Variants in PPP1R9A observed in about 807,000 individuals in gnomAD.
PPP1R9A encodes the protein neurabin-1.
Under a neutral mutation model 141.9 loss-of-function variants are expected in PPP1R9A, and 59 were observed. The ratio of observed to expected loss-of-function variants is 0.42; its 90% CI spans 0.34 to 0.52. The LOEUF (loss-of-function observed/expected upper bound fraction) is 0.52, where lower values mean the gene tolerates loss of function less well. Among genes scored for constraint, PPP1R9A ranks in the 20% least tolerant of loss-of-function variants. PPP1R9A has a pLI of 0.10. For missense variants in PPP1R9A, 1,444 were observed against 1,611.9 expected (o/e 0.90, Z 1.78); for synonymous variants, 500 against 569.7 (o/e 0.88, Z 1.74).
intron 5 of PPP1R9A, among the ~76,000 whole-genome samples, chr7:95,170,155 A>G (rs1315473021): frequency 6.6e-6 from 1 of 151,766 alleles, no homozygotes; most frequent in Non-Finnish European, 1.5e-5. Flanking sequence ...TAATTTTAAG[A>G]CATACTACAA....
chr7:95,069,733 A>G (rs1180669457), intron 2 of PPP1R9A, among the ~76,000 whole-genome samples: 3 of 151,950 alleles, frequency 2.0e-5, no homozygotes, highest in African/African-American at 7.3e-5. Flanking sequence ...AAAGCCCTTT[A>G]TGTTTCTAAG....
intron 5 of PPP1R9A, among the ~76,000 whole-genome samples, chr7:95,181,120 A>G (rs1039229405): frequency 6.7e-6 from 1 of 150,366 alleles, no homozygotes; most frequent in Non-Finnish European, 1.5e-5. Context: ...CATGGAGCCA[A>G]CGCAAATGCC....
intron 4 of PPP1R9A, among the ~76,000 whole-genome samples, chr7:95,148,891 C>G (rs982029382): frequency 2.0e-5 from 3 of 151,568 alleles, no homozygotes; most frequent in Non-Finnish European, 3.0e-5. Context: ...CAAAATCAGA[C>G]AAAAATGTTA....
intron 6 of PPP1R9A, among the ~76,000 whole-genome samples, chr7:95,201,226 A>G (rs1487361114): frequency 7.1e-6 from 1 of 141,104 alleles, no homozygotes; most frequent in East Asian, 1.9e-4. Flanking sequence ...TTTAGCTTTA[A>G]GTTAAACTGT....
chr7:94,996,799 GTT>G (rs34164253), intron 2 of PPP1R9A, among the ~76,000 whole-genome samples: 37,383 of 110,922 alleles, frequency 0.34, 3,646 homozygotes, highest in Middle Eastern at 0.44. Context: ...GATACTCTGT[GTT>G]TTTTTTTTTT....
intron 5 of PPP1R9A, among the ~76,000 whole-genome samples, chr7:95,189,490 G>C (rs1835156768): frequency 7.3e-6 from 1 of 137,914 alleles, no homozygotes; most frequent in Non-Finnish European, 1.5e-5. Flanking sequence ...AGGCTGGAGT[G>C]CAGTGGCGGG....
At chr7:95,077,989 T>A (rs1024939489) in intron 2 of PPP1R9A, among the ~76,000 whole-genome samples, 5 of 148,902 alleles carry the variant, frequency 3.4e-5, no homozygotes, top group African/African-American at 1.3e-4. Context: ...TTTTTTTTTT[T>A]TAATTATACT....
chr7:95,112,734 T>C (rs1820782633), intron 3 of PPP1R9A, among the ~76,000 whole-genome samples: 1 of 152,174 alleles, frequency 6.6e-6, no homozygotes, highest in African/African-American at 2.4e-5. Flanking sequence ...TGGACTACTG[T>C]GCAGCTATAA....
intron 2 of PPP1R9A, among the ~76,000 whole-genome samples, chr7:95,019,680 T>A (rs1805619536): frequency 6.6e-6 from 1 of 152,150 alleles, no homozygotes; most frequent in Non-Finnish European, 1.5e-5. Context: ...ATCAGAGAAG[T>A]GCAAAGTAAA....
At chr7:95,042,638 C>T (rs1809422660) in intron 2 of PPP1R9A, among the ~76,000 whole-genome samples, 2 of 152,118 alleles carry the variant, frequency 1.3e-5, no homozygotes, top group Non-Finnish European at 2.9e-5. Flanking sequence ...GTTCAACACA[C>T]CTGCTCTTCA....
At chr7:95,032,334 T>C (rs1223351500) in intron 2 of PPP1R9A, among the ~76,000 whole-genome samples, 1 of 152,212 alleles carries the variant, frequency 6.6e-6, no homozygotes, top group Non-Finnish European at 1.5e-5. Context: ...GAAAACTTGA[T>C]ACTTGTGTTT....
intron 2 of PPP1R9A, among the ~76,000 whole-genome samples, chr7:95,058,456 T>G (rs1811783992): frequency 6.6e-6 from 1 of 152,126 alleles, no homozygotes; most frequent in African/African-American, 2.4e-5. Context: ...AAGGGGAGAA[T>G]GTAAACTGAG....
chr7:95,132,744 C>T (rs572812187), intron 4 of PPP1R9A, among the ~76,000 whole-genome samples: 6 of 151,984 alleles, frequency 3.9e-5, no homozygotes, highest in South Asian at 2.1e-4. Flanking sequence ...ATGCTGCACC[C>T]GCCACAGGAT....
chr7:95,094,749 A>G (rs1455366120), intron 2 of PPP1R9A, among the ~76,000 whole-genome samples: 1 of 151,810 alleles, frequency 6.6e-6, no homozygotes, highest in Non-Finnish European at 1.5e-5. Flanking sequence ...GCATGGTGGC[A>G]TGCGCCTGTA....
At chr7:95,221,837 T>C (rs1189157795) in intron 7 of PPP1R9A, among the ~76,000 whole-genome samples, 1 of 152,094 alleles carries the variant, frequency 6.6e-6, no homozygotes, top group Non-Finnish European at 1.5e-5. Context: ...GTTATGGTTG[T>C]AGTTTATACA....
intron 2 of PPP1R9A, among the ~76,000 whole-genome samples, chr7:94,948,017 C>T (rs1381653666): frequency 6.6e-6 from 1 of 152,080 alleles, no homozygotes; most frequent in African/African-American, 2.4e-5. Flanking sequence ...ACCCATCCAC[C>T]TGATGCTCAG....
chr7:94,935,671 C>T (rs1262642237), intron 2 of PPP1R9A, among the ~76,000 whole-genome samples: 1 of 152,072 alleles, frequency 6.6e-6, no homozygotes, highest in African/African-American at 2.4e-5. Flanking sequence ...TTGCCTTTCC[C>T]ACCTCAATGA....
At chr7:95,220,396 C>T (rs1794247843) in intron 7 of PPP1R9A, among the ~76,000 whole-genome samples, 1 of 152,030 alleles carries the variant, frequency 6.6e-6, no homozygotes. Flanking sequence ...GTGATTAGCG[C>T]CATTTAGTTT....
chr7:95,181,782 C>T (rs1401862599), intron 5 of PPP1R9A, among the ~76,000 whole-genome samples: 1 of 134,394 alleles, frequency 7.4e-6, no homozygotes, highest in Admixed American at 7.8e-5. Context: ...TATTCCGTCA[C>T]ATATATATAG....
Sources: gnomAD v4.1 joint callset for allele counts (sites outside exome capture counted in the v4.1 genomes callset) on GRCh38, gnomAD v4.1.1 for gene constraint, MANE v1.5 for transcripts, NCBI Gene and HGNC (gene_info 2026-07-23, HGNC 2026-07-21) for gene names.